Variants in CAST observed in about 807,000 individuals in gnomAD.
CAST encodes calpastatin, also known as MIR583 host.
CAST carries 76 observed loss-of-function variants against 119.6 expected under a neutral mutation model. The observed-to-expected ratio is 0.64, with a 90% confidence interval of 0.53 to 0.77. CAST has a LOEUF of 0.77. Among genes scored for constraint, CAST ranks in the 30% least tolerant of loss-of-function variants. The probability of loss-of-function intolerance (pLI) is 0.00; values close to 1 mark genes in which losing one functional copy is unlikely to be tolerated. For synonymous variants in CAST, 319 were observed against 331.6 expected (o/e 0.96, Z 0.41); for missense variants, 953 against 946.5 (o/e 1.01, Z -0.09).
chr5:96,370,187 C>A, the CAST span, among the ~76,000 whole-genome samples: 3 of 151,728 alleles, frequency 2.0e-5, no homozygotes, highest in African/African-American at 7.3e-5. Context: ...TGGAGAAATA[C>A]AAACTCAGAG....
At chr5:96,238,495 C>A in the CAST span, among the ~76,000 whole-genome samples, 1 of 151,652 alleles carries the variant, frequency 6.6e-6, no homozygotes, top group African/African-American at 2.4e-5. Context: ...TCAAGTGATT[C>A]TCCTGCCTCA....
At chr5:96,211,202 G>A in the CAST span, among the ~76,000 whole-genome samples, 1 of 151,900 alleles carries the variant, frequency 6.6e-6, no homozygotes, top group Non-Finnish European at 1.5e-5. Context: ...AGTAATATGG[G>A]TGAGTAAGAG....
chr5:95,963,060 TG>T, the CAST span, among the ~76,000 whole-genome samples: 9 of 152,110 alleles, frequency 5.9e-5, no homozygotes, highest in Non-Finnish European at 1.2e-4. Flanking sequence ...ATGGATTAAT[TG>T]GTTGATCAGA....
chr5:96,695,655 A>G (rs1208676813), intron 2 of CAST, 181 bp from the exon 3 acceptor site: 4 of 470,002 alleles, frequency 8.5e-6, no homozygotes, highest in South Asian at 2.3e-5. Context: ...CTTCATTTCA[A>G]TATTTGTATC....
At chr5:96,180,592 G>A in the CAST span, among the ~76,000 whole-genome samples, 32 of 152,100 alleles carry the variant, frequency 2.1e-4, no homozygotes, top group Non-Finnish European at 3.5e-4. Flanking sequence ...ATGTTAAAAC[G>A]AGAAAAGGGG....
chr5:96,595,917 TG>T (rs972397979), intron 1 of CAST, among the ~76,000 whole-genome samples: 111 of 151,948 alleles, frequency 7.3e-4, no homozygotes, highest in African/African-American at 2.7e-3. Flanking sequence ...CTGGAGGAGG[TG>T]GCGTGGCATA....
the CAST span, among the ~76,000 whole-genome samples, chr5:96,198,555 T>C: frequency 6.6e-6 from 1 of 152,158 alleles, no homozygotes; most frequent in Non-Finnish European, 1.5e-5. Context: ...TATCAGCCTG[T>C]CCTTCTCATA....
At chr5:96,455,634 T>C in the CAST span, among the ~76,000 whole-genome samples, 1 of 152,176 alleles carries the variant, frequency 6.6e-6, no homozygotes, top group Non-Finnish European at 1.5e-5. Context: ...ATGTCAACAA[T>C]CCCGAGCTCT....
chr5:96,139,668 A>G, the CAST span, among the ~76,000 whole-genome samples: 3 of 151,812 alleles, frequency 2.0e-5, no homozygotes, highest in South Asian at 4.2e-4. Flanking sequence ...GTTTTGTGGC[A>G]TATCTGGGGA....
the CAST span, among the ~76,000 whole-genome samples, chr5:96,485,874 T>C: frequency 9.9e-5 from 15 of 152,146 alleles, no homozygotes; most frequent in Non-Finnish European, 2.1e-4. Flanking sequence ...TTACAATTAC[T>C]GGGGGTGTAC....
At chr5:96,616,768 AC>A (rs1747466103) in intron 1 of CAST, among the ~76,000 whole-genome samples, 1 of 148,408 alleles carries the variant, frequency 6.7e-6, no homozygotes, top group Admixed American at 6.6e-5. Context: ...ACACACACAC[AC>A]ACACACACAC....
At chr5:96,025,252 A>G in the CAST span, among the ~76,000 whole-genome samples, 25 of 152,140 alleles carry the variant, frequency 1.6e-4, no homozygotes, top group African/African-American at 6.0e-4. Flanking sequence ...AGGGGATCCT[A>G]TTTCTGGTTT....
At chr5:96,563,075 A>G (rs570094955) in intron 1 of CAST, among the ~76,000 whole-genome samples, 62 of 152,282 alleles carry the variant, frequency 4.1e-4, no homozygotes, top group African/African-American at 1.3e-3. Context: ...GACTCTGAAG[A>G]CACAGATATG....
the CAST span, among the ~76,000 whole-genome samples, chr5:96,357,295 C>G: frequency 2.0e-5 from 3 of 152,158 alleles, no homozygotes; most frequent in Non-Finnish European, 1.5e-5. Context: ...AATTTGACTT[C>G]CTCTCTTCCT....
chr5:96,298,208 A>C, the CAST span, among the ~76,000 whole-genome samples: 1 of 152,250 alleles, frequency 6.6e-6, no homozygotes, highest in Non-Finnish European at 1.5e-5. Context: ...AGCCACCGTT[A>C]CAAAACAGGA....
chr5:96,658,309 A>T (rs986313907), upstream of CAST, among the ~76,000 whole-genome samples: 1 of 152,156 alleles, frequency 6.6e-6, no homozygotes, highest in Non-Finnish European at 1.5e-5. Flanking sequence ...CTATCAGCAC[A>T]TACACAAAAG....
chr5:96,355,948 G>T, the CAST span, among the ~76,000 whole-genome samples: 2 of 152,062 alleles, frequency 1.3e-5, no homozygotes, highest in African/African-American at 4.8e-5. Flanking sequence ...GATCTGCCCA[G>T]CTTGGCCTGC....
the CAST span, among the ~76,000 whole-genome samples, chr5:95,976,084 CCT>C: frequency 8.6e-5 from 13 of 151,896 alleles, no homozygotes; most frequent in African/African-American, 3.1e-4. Context: ...GAGTCCTCCC[CCT>C]CTAATTCAGG....
the CAST span, among the ~76,000 whole-genome samples, chr5:96,187,522 G>A: frequency 5.9e-5 from 9 of 152,010 alleles, no homozygotes; most frequent in Non-Finnish European, 1.0e-4. Flanking sequence ...TAGCTGTGTC[G>A]CAGGGATTCT....
Sources: allele counts gnomAD v4.1 joint callset (sites outside exome capture counted in the v4.1 genomes callset), GRCh38; gene constraint gnomAD v4.1.1; transcripts MANE v1.5; gene names NCBI Gene and HGNC (gene_info 2026-07-23, HGNC 2026-07-21).